The following KIF5B variants were observed in gnomAD, a reference collection of about 807,000 sequenced individuals.
KIF5B encodes kinesin family member 5B.
In KIF5B, 49 loss-of-function variants were observed where a neutral mutation model predicts 132.8. The ratio of observed to expected loss-of-function variants is 0.37; its 90% CI spans 0.29 to 0.47. The LOEUF is 0.47. Ranked by LOEUF, KIF5B falls within the 20% of genes least tolerant of loss-of-function variation. The pLI is 1.00. For missense variants in KIF5B, 780 were observed against 1,144.0 expected, an observed-to-expected ratio of 0.68 and a Z score of 4.59; for synonymous variants, 355 against 369.4, an observed-to-expected ratio of 0.96 and a Z score of 0.45.
At chr10:32,012,602 A>G (rs939975322) in intron 25 of KIF5B, among the ~76,000 whole-genome samples, 2 of 152,200 alleles carry the variant, frequency 1.3e-5, no homozygotes, top group African/African-American at 4.8e-5. Flanking sequence ...TTTTTACATC[A>G]TAACTTTCAA....
chr10:32,035,828 T>G, intron 9 of KIF5B, 62 bp downstream of exon 9: 2 of 1,381,450 alleles, frequency 1.4e-6, no homozygotes, highest in Admixed American at 1.9e-5. Flanking sequence ...GGCACACATA[T>G]ACACCTATAT....
intron 1 of KIF5B, among the ~76,000 whole-genome samples, chr10:32,049,264 T>TAA (rs1462156196): frequency 6.6e-6 from 1 of 152,146 alleles, no homozygotes; most frequent in East Asian, 1.9e-4. Flanking sequence ...ATTAAAAAAT[T>TAA]AAGTGACCAG....
intron 5 of KIF5B, 84 bp from the exon 6 acceptor site, chr10:32,038,302 A>C (rs753944991): frequency 5.6e-6 from 5 of 899,446 alleles, no homozygotes; most frequent in Non-Finnish European, 9.0e-6. Flanking sequence ...TTTCCTGAGC[A>C]GCCTAACAGC....
chr10:32,016,255 G>A (rs1056565333), intron 24 of KIF5B, among the ~76,000 whole-genome samples: 14 of 151,912 alleles, frequency 9.2e-5, no homozygotes, highest in Admixed American at 6.6e-5. Context: ...TCAGGAGTAC[G>A]AGACCAGCCT....
At chr10:32,052,481 C>T (rs940884269) in intron 1 of KIF5B, among the ~76,000 whole-genome samples, 2 of 152,160 alleles carry the variant, frequency 1.3e-5, no homozygotes, top group Non-Finnish European at 2.9e-5. Flanking sequence ...GCAGCCTTTA[C>T]GGTGTACCAT....
At chr10:32,017,448 T>TA in intron 23 of KIF5B, 89 bp from the exon 24 acceptor site, 1 of 950,922 alleles carries the variant, frequency 1.1e-6, no homozygotes. Flanking sequence ...TTTAGAAAAG[T>TA]AAAACTGCAT....
In KIF5B at chr10:32,041,994, AG is replaced by A. The variant is rs571872815; in HGVS notation, c.215-1538del. Among the ~76,000 whole-genome samples, 14 of 152,210 alleles carry A rather than the reference AG, an allele frequency of 9.2e-5. No homozygotes were observed. In the South Asian group the frequency reaches 2.3e-3, roughly 25 times the overall value. Reference sequence around the variant, plus strand: ...TAAATATATTCTTTTATTAGGTCAAAGGGGGGAAAAAGGCAATCCTTTGATT... The same window carrying A: ...TAAATATATTCTTTTATTAGGTCAAAGGGGGAAAAAGGCAATCCTTTGATT... On this transcript the variant is annotated intron_variant, in intron 2 of 25. Coordinates refer to ENST00000302418, the MANE Select transcript of KIF5B (RefSeq NM_004521.3).
At chr10:32,055,168 CTGATCATCCTG>C (rs1302932236) in intron 1 of KIF5B, among the ~76,000 whole-genome samples, 1 of 151,858 alleles carries the variant, frequency 6.6e-6, no homozygotes, top group Non-Finnish European at 1.5e-5. Context: ...TTAAACAAAA[CTGATCATCCTG>C]TTTCAAAAAA....
chr10:32,025,103 G>GA (rs887401825), intron 15 of KIF5B, among the ~76,000 whole-genome samples: 1 of 152,004 alleles, frequency 6.6e-6, no homozygotes, highest in South Asian at 2.1e-4. Flanking sequence ...TCAACAATAA[G>GA]AAAAAACACA....
intron 10 of KIF5B, 90 bp from the exon 11 acceptor site, chr10:32,034,928 A>G (rs1297766331): frequency 5.3e-6 from 5 of 951,666 alleles, no homozygotes; most frequent in Non-Finnish European, 5.7e-6. Flanking sequence ...TGGCTAAGAA[A>G]CTTATGCTTG....
intron 25 of KIF5B, among the ~76,000 whole-genome samples, chr10:32,013,107 G>C (rs1344542197): frequency 6.6e-6 from 1 of 151,936 alleles, no homozygotes; most frequent in Non-Finnish European, 1.5e-5. Flanking sequence ...CTCCGTGTTG[G>C]TCAGGCTGGT....
chr10:32,038,234 A>T lies in KIF5B; in HGVS notation c.443-16T>A. 6.3e-7 allele frequency: 1 copy of T among 1,579,458 alleles called. No homozygotes were observed. The highest frequency in any genetic ancestry group is 8.7e-7 in the Non-Finnish European group (1 of 1,151,894). ...GTCTTTGAAACTGAGAAAGAAAAAC[A>T]AATGTTAGCAACATTCTCCTAAAAC... On this transcript the variant is annotated splice_polypyrimidine_tract_variant and intron_variant, in intron 5 of 25. Coordinates refer to ENST00000302418, the MANE Select transcript of KIF5B (RefSeq NM_004521.3).
chr10:32,020,098 G>A, intron 19 of KIF5B, 139 bp from the exon 20 acceptor site: 1 of 569,634 alleles, frequency 1.8e-6, no homozygotes, highest in Non-Finnish European at 3.0e-6. Context: ...AGGAAAAGAG[G>A]AAAGGGACCT....
Position 32,056,402 on chromosome 10 carries a change from C to T in KIF5B, c.-429G>A. 1 of 179,520 alleles carries T rather than the reference C, an allele frequency of 5.6e-6. No homozygotes were observed. The allele number at this position is 179,520 out of a possible 1,614,324, so 11.1% of individuals were successfully genotyped here. A position where few individuals can be genotyped will look rare whatever the true frequency, so the allele number is the denominator to read the frequency against. On this transcript the variant is annotated 5_prime_UTR_variant, in exon 1 of 26. The change creates a new upstream start codon in the 5' untranslated region. Transcript: ENST00000302418. ...TGGCCGGCCGACTGCTGCCCGATCA[C>T]TCCTGAGGCCGCCGTTGGGCGACAG... is the stretch of plus-strand genomic sequence containing the variant.
Position 32,018,573 on chromosome 10 carries a change from A to T in KIF5B, c.2307-11T>A. 1 of 1,591,340 alleles carries T rather than the reference A, an allele frequency of 6.3e-7. No homozygotes were observed. The highest frequency in any genetic ancestry group is 8.6e-7 in the Non-Finnish European group (1 of 1,169,404). On this transcript the variant is annotated splice_polypyrimidine_tract_variant and intron_variant, in intron 20 of 25. Coordinates refer to ENST00000302418, the MANE Select transcript of KIF5B (RefSeq NM_004521.3). ...CTATCTTGCATAACCCTAACAGTAG[A>T]AGAACAAACATATATTTTCAAATTT...
intron 15 of KIF5B, among the ~76,000 whole-genome samples, chr10:32,027,279 T>C (rs1278610387): frequency 1.3e-5 from 2 of 152,178 alleles, no homozygotes; most frequent in African/African-American, 4.8e-5. Context: ...ATACAAATCT[T>C]TCATGTTATA....
chr10:32,055,641 G>C (rs1206405637), intron 1 of KIF5B, among the ~76,000 whole-genome samples: 1 of 152,172 alleles, frequency 6.6e-6, no homozygotes, highest in Non-Finnish European at 1.5e-5. Context: ...GTCTCCCGGC[G>C]CCGAAGACTG....
At chr10:32,027,031 T>TA (rs2132593038) in intron 15 of KIF5B, among the ~76,000 whole-genome samples, 1 of 145,480 alleles carries the variant, frequency 6.9e-6, no homozygotes, top group African/African-American at 2.5e-5. Context: ...TTGTATTTTT[T>TA]AAAAATATTT....
chr10:32,028,703 A>T, intron 14 of KIF5B, 132 bp from the exon 15 acceptor site: 1 of 722,196 alleles, frequency 1.4e-6, no homozygotes, highest in South Asian at 2.2e-5. Context: ...TTTTTCTTGA[A>T]CTATCTACCA....
Sources: gnomAD v4.1 joint callset for allele counts (sites outside exome capture counted in the v4.1 genomes callset) on GRCh38, gnomAD v4.1.1 for gene constraint, MANE v1.5 for transcripts, NCBI Gene and HGNC (gene_info 2026-07-23, HGNC 2026-07-21) for gene names.